The following GRIP1 variants were observed in gnomAD, a reference collection of about 807,000 sequenced individuals.
GRIP1 encodes glutamate receptor interacting protein 1.
A neutral mutation model predicts 129.9 loss-of-function variants in GRIP1; 45 were observed. The ratio of observed to expected loss-of-function variants is 0.35; its 90% CI spans 0.27 to 0.44. The LOEUF (loss-of-function observed/expected upper bound fraction) is 0.44, where lower values mean the gene tolerates loss of function less well. Ranked by LOEUF, GRIP1 falls within the 20% of genes least tolerant of loss-of-function variation. The pLI is 1.00. For missense variants in GRIP1, 1,196 were observed against 1,396.8 expected (o/e 0.86, Z 2.29); for synonymous variants, 530 against 520.8 (o/e 1.02, Z -0.24).
chr12:66,613,321 T>C (rs931879893), intron 1 of GRIP1, among the ~76,000 whole-genome samples: 16 of 152,160 alleles, frequency 1.1e-4, no homozygotes, highest in African/African-American at 3.9e-4. Context: ...TTATGCATAA[T>C]TACCACTAAC....
intron 1 of GRIP1, among the ~76,000 whole-genome samples, chr12:66,986,543 T>C (rs932770570): frequency 7.4e-5 from 11 of 149,608 alleles, no homozygotes; most frequent in South Asian, 2.1e-4. Context: ...ATGGATGAAA[T>C]TGGAAATCAT....
At chr12:66,798,804 A>C (rs993087894) in intron 1 of GRIP1, among the ~76,000 whole-genome samples, 1 of 152,178 alleles carries the variant, frequency 6.6e-6, no homozygotes, top group African/African-American at 2.4e-5. Flanking sequence ...CTGTAAATAT[A>C]ATATCATATT....
At chr12:66,353,358 G>A in intron 24 of GRIP1, 59 bp downstream of exon 24, 3 of 1,210,808 alleles carry the variant, frequency 2.5e-6, no homozygotes. Flanking sequence ...GGAGGATGTG[G>A]AGGAAGCTCC....
At chr12:66,421,380 C>T (rs1163439951) in intron 14 of GRIP1, among the ~76,000 whole-genome samples, 4 of 151,998 alleles carry the variant, frequency 2.6e-5, no homozygotes, top group African/African-American at 4.8e-5. Flanking sequence ...CCCACCTCTA[C>T]GAAAAACACA....
chr12:66,349,020 T>A lies in GRIP1; in HGVS notation c.3386A>T (p.Ter1129LeuextTer5), dbSNP rs1403661249. 6.3e-7 allele frequency: 1 copy of A among 1,593,764 alleles called. No individual in the cohort carries two copies. ...TGTCCTGCTTTATAAAAAGCGTTGC[T>A]ATAATGTATTAGTGGGTTCTCGTGT... ...LETREPTNTL[*>L] The change falls in exon 25 of 25, where the codon TAG (stop) becomes TTG (leucine). Residue 1129 changes from the stop codon to leucine (L), a stop_lost. Transcript: ENST00000359742.
At chr12:66,621,545 G>A (rs1023288146) in intron 1 of GRIP1, among the ~76,000 whole-genome samples, 3 of 152,106 alleles carry the variant, frequency 2.0e-5, no homozygotes, top group African/African-American at 7.2e-5. Context: ...TGTGAATAAT[G>A]CTGCTCTGAA....
At chr12:66,890,261 G>C (rs2040636304) in intron 1 of GRIP1, among the ~76,000 whole-genome samples, 1 of 152,118 alleles carries the variant, frequency 6.6e-6, no homozygotes, top group Non-Finnish European at 1.5e-5. Context: ...CGTGAACATA[G>C]CCATTTGGTG....
At chr12:66,613,473 TAA>T (rs1342694151) in intron 1 of GRIP1, among the ~76,000 whole-genome samples, 1 of 152,038 alleles carries the variant, frequency 6.6e-6, no homozygotes, top group African/African-American at 2.4e-5. Flanking sequence ...TTTAATTAAA[TAA>T]AATGAGAAAC....
intron 15 of GRIP1, 100 bp from the exon 16 acceptor site, chr12:66,406,528 AG>A (rs2057196807): frequency 3.5e-6 from 4 of 1,142,796 alleles, no homozygotes; most frequent in South Asian, 2.5e-5. Flanking sequence ...TAGTCTTTAG[AG>A]GAAAAGAGGT....
At chr12:66,924,433 G>A (rs545989063) in intron 1 of GRIP1, among the ~76,000 whole-genome samples, 1 of 152,308 alleles carries the variant, frequency 6.6e-6, no homozygotes, top group Non-Finnish European at 1.5e-5. Context: ...AGACAGAGAT[G>A]TGTCTGTGCA....
intron 1 of GRIP1, among the ~76,000 whole-genome samples, chr12:66,983,067 A>C (rs1456920008): frequency 1.3e-5 from 2 of 152,276 alleles, no homozygotes; most frequent in East Asian, 3.9e-4. Context: ...GTCATGCCTG[A>C]AGTTACAGCC....
intron 1 of GRIP1, among the ~76,000 whole-genome samples, chr12:66,746,477 G>A (rs1022874173): frequency 1.3e-5 from 2 of 152,120 alleles, no homozygotes; most frequent in African/African-American, 2.4e-5. Context: ...GCACATTGAC[G>A]TTTGAGAGGC....
intron 1 of GRIP1, among the ~76,000 whole-genome samples, chr12:66,671,522 T>A (rs2034080836): frequency 6.6e-6 from 1 of 152,108 alleles, no homozygotes; most frequent in South Asian, 2.1e-4. Context: ...CTGCTGCCCA[T>A]CTACAGCCTA....
chr12:66,876,732 T>G (rs950201440), intron 1 of GRIP1, among the ~76,000 whole-genome samples: 1 of 152,032 alleles, frequency 6.6e-6, no homozygotes, highest in African/African-American at 2.4e-5. Context: ...ATGTGTCCAT[T>G]TATGGGAAGG....
intron 1 of GRIP1, among the ~76,000 whole-genome samples, chr12:66,836,979 G>A (rs185673047): frequency 6.6e-6 from 1 of 152,184 alleles, no homozygotes; most frequent in Non-Finnish European, 1.5e-5. Context: ...TCAACTGGAG[G>A]TTGGAGAGAA....
chr12:66,939,270 C>G (rs540518221), intron 1 of GRIP1, among the ~76,000 whole-genome samples: 1 of 152,174 alleles, frequency 6.6e-6, no homozygotes, highest in Admixed American at 6.5e-5. Flanking sequence ...AGGATTGAGA[C>G]CAGGAGTTCA....
At chr12:66,391,098 C>T (rs942788726) in intron 19 of GRIP1, among the ~76,000 whole-genome samples, 5 of 152,100 alleles carry the variant, frequency 3.3e-5, no homozygotes, top group Non-Finnish European at 4.4e-5. Flanking sequence ...ACAACATAGG[C>T]AGGCTGAGAG....
intron 2 of GRIP1, among the ~76,000 whole-genome samples, chr12:66,548,658 T>G (rs1303593984): frequency 6.6e-6 from 1 of 151,984 alleles, no homozygotes; most frequent in Non-Finnish European, 1.5e-5. Context: ...TAGAGACCAA[T>G]TAGGATGTGG....
intron 1 of GRIP1, among the ~76,000 whole-genome samples, chr12:67,061,310 G>C (rs192488955): frequency 1.3e-5 from 2 of 152,220 alleles, no homozygotes; most frequent in Admixed American, 1.3e-4. Flanking sequence ...ATATAGTAAC[G>C]TTACATTAAT....
Sources: gnomAD v4.1 joint callset for allele counts (sites outside exome capture counted in the v4.1 genomes callset) on GRCh38, gnomAD v4.1.1 for gene constraint, MANE v1.5 for transcripts, NCBI Gene and HGNC (gene_info 2026-07-23, HGNC 2026-07-21) for gene names.